The following ANKRD62 variants were observed in gnomAD, a reference collection of about 807,000 sequenced individuals.
ANKRD62 encodes ankyrin repeat domain-containing protein 62.
ANKRD62 carries 61 observed loss-of-function variants against 98.8 expected under a neutral mutation model. That is an observed-to-expected ratio of 0.62 (90% CI 0.50 to 0.76). The LOEUF (loss-of-function observed/expected upper bound fraction) is 0.76. ANKRD62 is among the 30% of genes least tolerant of loss of function. The pLI is 0.00. For synonymous variants in ANKRD62, 341 were observed against 367.9 expected (o/e 0.93, Z 0.84); for missense variants, 933 against 1,082.9 (o/e 0.86, Z 1.94).
At chr18:12,106,363 A>G (rs1249702716) in intron 7 of ANKRD62, among the ~76,000 whole-genome samples, 1 of 152,168 alleles carries the variant, frequency 6.6e-6, no homozygotes, top group East Asian at 1.9e-4. Flanking sequence ...ATAGACAAAA[A>G]TCTGGTGATG....
chr18:12,127,825 T>C lies in ANKRD62; in HGVS notation c.2640T>C (p.Ile880=). 6.6e-7 allele frequency: 1 copy of C among 1,520,664 alleles called. No homozygotes were observed. The highest frequency in any genetic ancestry group is 8.8e-7 in the Non-Finnish European group (1 of 1,140,840). The allele number at this position is 1,520,664 out of a possible 1,614,324, so 94.2% of individuals were successfully genotyped here. A position where few individuals can be genotyped will look rare whatever the true frequency, so the allele number is the denominator to read the frequency against. Residue 880 remains isoleucine, a synonymous_variant, in exon 14 of 14, where the codon ATT becomes ATC. Transcript: ENST00000587848. The part of the protein sequence containing the change: ...KQLLLEAMLE[I]SSERRINLED... ...TGCTGTTAGAAGCTATGCTAGAGAT[T>C]TCATCAGAACGTCGTATTAATTTAG...
At chr18:12,151,501 A>G in the ANKRD62 span, among the ~76,000 whole-genome samples, 2 of 152,206 alleles carry the variant, frequency 1.3e-5, no homozygotes, top group Non-Finnish European at 2.9e-5. Context: ...CACATGCCAC[A>G]TGCTCTGAAA....
intron 10 of ANKRD62, among the ~76,000 whole-genome samples, chr18:12,120,722 TTTAGA>T (rs1483682047): frequency 1.3e-5 from 2 of 152,208 alleles, no homozygotes; most frequent in Admixed American, 6.5e-5. Context: ...TCTGCTTTCC[TTTAGA>T]TTAATCAGCT....
At chr18:12,133,911 T>G (rs1036381620), downstream of ANKRD62, among the ~76,000 whole-genome samples, 7 of 152,188 alleles carry the variant, frequency 4.6e-5, no homozygotes, top group African/African-American at 1.7e-4. Context: ...TATTCCAATC[T>G]TGTTTTCATG....
chr18:12,131,542 G>C (rs965783557), downstream of ANKRD62, among the ~76,000 whole-genome samples: 4 of 151,860 alleles, frequency 2.6e-5, no homozygotes, highest in African/African-American at 9.7e-5. Context: ...CTCTACACTT[G>C]TTCCATCTCT....
chr18:12,102,957 G>A (rs1909338261), intron 6 of ANKRD62, among the ~76,000 whole-genome samples: 1 of 152,166 alleles, frequency 6.6e-6, no homozygotes, highest in South Asian at 2.1e-4. Flanking sequence ...GACATCTGGT[G>A]TCTTGCCAAG....
the ANKRD62 span, among the ~76,000 whole-genome samples, chr18:12,145,633 A>G: frequency 4.1e-4 from 62 of 152,094 alleles, no homozygotes; most frequent in South Asian, 0.013. Flanking sequence ...GTCTTCAGCT[A>G]CTCTTGCCAG....
the ANKRD62 span, among the ~76,000 whole-genome samples, chr18:12,155,488 G>A: frequency 1.3e-5 from 2 of 152,100 alleles, no homozygotes; most frequent in African/African-American, 4.8e-5. Flanking sequence ...GTTCTAGACT[G>A]CCATGGAGCA....
the ANKRD62 span, among the ~76,000 whole-genome samples, chr18:12,179,521 T>C: frequency 2.0e-5 from 3 of 150,348 alleles, no homozygotes; most frequent in Non-Finnish European, 4.4e-5. Flanking sequence ...TTGGTTTAAC[T>C]ATGTCCTTTA....
At chr18:12,105,895 T>G (rs574399934) in intron 7 of ANKRD62, among the ~76,000 whole-genome samples, 2 of 152,294 alleles carry the variant, frequency 1.3e-5, no homozygotes, top group African/African-American at 4.8e-5. Context: ...TGCTTAAAAA[T>G]TTAATAAGCT....
At chr18:12,171,020 C>T in the ANKRD62 span, among the ~76,000 whole-genome samples, 4 of 147,336 alleles carry the variant, frequency 2.7e-5, no homozygotes, top group South Asian at 2.2e-4. Flanking sequence ...TTATTTTGAG[C>T]GTATGTGTGT....
the ANKRD62 span, among the ~76,000 whole-genome samples, chr18:12,178,460 T>A: frequency 1.4e-5 from 2 of 145,110 alleles, no homozygotes; most frequent in African/African-American, 5.3e-5. Context: ...CAGATTTGCA[T>A]CTTAGAACAG....
At chr18:12,168,774 A>G in the ANKRD62 span, among the ~76,000 whole-genome samples, 1 of 152,216 alleles carries the variant, frequency 6.6e-6, no homozygotes, top group East Asian at 1.9e-4. Flanking sequence ...TGAGCGTGGG[A>G]AGTTCTTCCA....
At position 12,127,998 on chromosome 18, in the gene ANKRD62, T is replaced by C. The variant is rs1308437448; in HGVS notation, c.*59T>C. ...AGTTTCAGTGGAGAGCTTTCTTTTG[T>C]ATTTTCATTATAATTAATTTTATTA... On this transcript the variant is annotated 3_prime_UTR_variant, in exon 14 of 14. Coordinates refer to ENST00000587848, the MANE Select transcript of ANKRD62 (RefSeq NM_001277333.2). The C allele has an allele frequency of 4.0e-6, 4 of 992,818 alleles. No individual in the cohort carries two copies. 61.5% of individuals were successfully genotyped at this position (992,818 alleles called of 1,614,324 possible).
At chr18:12,146,568 T>G in the ANKRD62 span, among the ~76,000 whole-genome samples, 4 of 152,122 alleles carry the variant, frequency 2.6e-5, no homozygotes, top group South Asian at 2.1e-4. Context: ...GCCTCAGCCT[T>G]CCGAGCAGCT....
chr18:12,134,652 G>A (rs1568069032), downstream of ANKRD62, among the ~76,000 whole-genome samples: 1 of 152,038 alleles, frequency 6.6e-6, no homozygotes, highest in Non-Finnish European at 1.5e-5. Flanking sequence ...GCGATAGTTT[G>A]CTGAGAATGA....
the ANKRD62 span, among the ~76,000 whole-genome samples, chr18:12,150,397 T>G: frequency 2.0e-5 from 3 of 152,234 alleles, no homozygotes; most frequent in African/African-American, 7.2e-5. Flanking sequence ...ATATTGTCTA[T>G]GACAACTTCC....
chr18:12,122,732 G>C (rs1452762247), intron 11 of ANKRD62, among the ~76,000 whole-genome samples: 1 of 151,904 alleles, frequency 6.6e-6, no homozygotes, highest in Non-Finnish European at 1.5e-5. Flanking sequence ...TATTTTAATG[G>C]CTATATAGAA....
At chr18:12,138,110 C>G in the ANKRD62 span, among the ~76,000 whole-genome samples, 1 of 151,976 alleles carries the variant, frequency 6.6e-6, no homozygotes, top group East Asian at 1.9e-4. Flanking sequence ...TTTGCTCTTG[C>G]TTCTCTAGTT....
Sources: allele counts gnomAD v4.1 joint callset (sites outside exome capture counted in the v4.1 genomes callset), GRCh38; gene constraint gnomAD v4.1.1; transcripts MANE v1.5; gene names NCBI Gene and HGNC (gene_info 2026-07-23, HGNC 2026-07-21).